Variants in LYZL4 observed in about 807,000 individuals in gnomAD.
LYZL4 encodes the protein lysozyme like 4, also known as lysozyme-like protein 4.
LYZL4 carries 13 observed loss-of-function variants against 17.6 expected under a neutral mutation model. The ratio of observed to expected loss-of-function variants is 0.74; its 90% CI spans 0.48 to 1.18. The LOEUF is 1.18. Among genes scored for constraint, LYZL4 ranks in the 50% most tolerant of loss-of-function variants. The probability of loss-of-function intolerance (pLI) is 0.00; values close to 1 mark genes in which losing one functional copy is unlikely to be tolerated. For synonymous variants in LYZL4, 64 were observed against 67.7 expected (o/e 0.95, Z 0.27); for missense variants, 174 against 188.2 (o/e 0.92, Z 0.44).
the LYZL4 span, among the ~76,000 whole-genome samples, chr3:42,372,644 T>G: frequency 6.6e-6 from 1 of 152,200 alleles, no homozygotes; most frequent in Non-Finnish European, 1.5e-5. Context: ...GAGGTATTTA[T>G]CCACCCCAAC....
chr3:42,394,904 T>C (rs908699007), downstream of LYZL4, among the ~76,000 whole-genome samples: 4 of 152,184 alleles, frequency 2.6e-5, no homozygotes, highest in African/African-American at 9.7e-5. Flanking sequence ...TAATTCTGGG[T>C]TAAGATTGGA....
chr3:42,397,784 C>G (rs1187920979), intron 4 of LYZL4, among the ~76,000 whole-genome samples: 1 of 152,170 alleles, frequency 6.6e-6, no homozygotes, highest in African/African-American at 2.4e-5. Context: ...CACCTTTCCA[C>G]GTACCTGCTC....
At chr3:42,361,224 G>T in the LYZL4 span, among the ~76,000 whole-genome samples, 1 of 151,922 alleles carries the variant, frequency 6.6e-6, no homozygotes, top group East Asian at 1.9e-4. Flanking sequence ...GGTAACATAC[G>T]ATATACACTA....
the LYZL4 span, among the ~76,000 whole-genome samples, chr3:42,386,079 C>G: frequency 6.6e-6 from 1 of 152,060 alleles, no homozygotes; most frequent in African/African-American, 2.4e-5. Context: ...ACATCTCCCC[C>G]CGACCTTCAC....
chr3:42,393,463 C>T (rs1270468576), downstream of LYZL4, among the ~76,000 whole-genome samples: 1 of 152,180 alleles, frequency 6.6e-6, no homozygotes, highest in African/African-American at 2.4e-5. Flanking sequence ...TCAGAAGACC[C>T]CCATGGCCTC....
At chr3:42,368,032 C>T in the LYZL4 span, among the ~76,000 whole-genome samples, 25 of 152,218 alleles carry the variant, frequency 1.6e-4, no homozygotes, top group East Asian at 2.1e-3. Context: ...GATGGGGAAA[C>T]GGAGTCATGG....
At chr3:42,362,989 C>T in the LYZL4 span, among the ~76,000 whole-genome samples, 6 of 152,104 alleles carry the variant, frequency 3.9e-5, no homozygotes, top group Admixed American at 3.3e-4. Flanking sequence ...AATTGTTTAA[C>T]TGAGATCCAG....
intron 3 of LYZL4, among the ~76,000 whole-genome samples, chr3:42,405,843 A>G (rs929711332): frequency 2.0e-5 from 3 of 152,106 alleles, no homozygotes; most frequent in African/African-American, 7.2e-5. Context: ...CATTCATAGA[A>G]TGGGGATAAC....
chr3:42,407,332 G>A lies in LYZL4; in HGVS notation c.-81C>T, dbSNP rs1698777409. ...CACAGGGACACTGGTTCTCTGAAGG[G>A]AAAGAAGGGCACTGTGGGGGTGGGG... On this transcript the variant is annotated 5_prime_UTR_variant, in exon 2 of 5. Transcript: ENST00000287748. 5 of 1,587,096 alleles carry A rather than the reference G, an allele frequency of 3.2e-6. No individual in the cohort carries two copies. The highest frequency in any genetic ancestry group is 1.3e-5 in the African/African-American group (1 of 74,340).
the LYZL4 span, among the ~76,000 whole-genome samples, chr3:42,386,543 A>G: frequency 6.6e-6 from 1 of 151,874 alleles, no homozygotes; most frequent in Non-Finnish European, 1.5e-5. Context: ...AAGGTCACAT[A>G]TTTCCAGGTT....
chr3:42,374,798 C>A, the LYZL4 span, among the ~76,000 whole-genome samples: 1,312 of 152,248 alleles, frequency 8.6e-3, 6 homozygotes, highest in Non-Finnish European at 0.012. Flanking sequence ...ATTTTCTCTC[C>A]TTTCTGGCAT....
chr3:42,367,146 G>T, the LYZL4 span, among the ~76,000 whole-genome samples: 1 of 152,080 alleles, frequency 6.6e-6, no homozygotes, highest in Non-Finnish European at 1.5e-5. Flanking sequence ...CTGAAGCACC[G>T]GTTGCCTCGA....
chr3:42,390,400 A>G, the LYZL4 span, among the ~76,000 whole-genome samples: 8 of 152,216 alleles, frequency 5.3e-5, no homozygotes, highest in Non-Finnish European at 7.3e-5. Flanking sequence ...GTTCTCAACA[A>G]CAACGATTTC....
the LYZL4 span, among the ~76,000 whole-genome samples, chr3:42,379,965 G>C: frequency 1.3e-5 from 2 of 152,182 alleles, no homozygotes; most frequent in African/African-American, 4.8e-5. Context: ...AGCAGTGACC[G>C]AAAATTGTAA....
In LYZL4 at chr3:42,406,453, C is replaced by CAAA. The variant is rs565639489; in HGVS notation, c.292+390_292+392dup. 2.2e-3 allele frequency among the ~76,000 whole-genome samples: 183 copies of CAAA among 84,112 alleles called. 5 individuals carry two copies. Among genetic ancestry groups the CAAA allele is most frequent in the South Asian group, 5.7e-3 (11 of 1,920 alleles). 55.2% of individuals were successfully genotyped at this position (84,112 alleles called of 152,430 possible). ...TGGGCGACTCAGTGAGACTCCGTCT[C>CAAA]AAAAAAAAAAAAAAAAAAAAAAAAA... On this transcript the variant is annotated intron_variant, in intron 3 of 4. Transcript: ENST00000287748.
downstream of LYZL4, among the ~76,000 whole-genome samples, chr3:42,393,077 G>A (rs1169163928): frequency 6.6e-6 from 1 of 152,256 alleles, no homozygotes; most frequent in East Asian, 1.9e-4. Context: ...ACAGGAGAAT[G>A]CAGGAGGAAC....
the LYZL4 span, among the ~76,000 whole-genome samples, chr3:42,375,366 C>G: frequency 6.6e-6 from 1 of 152,222 alleles, no homozygotes. Context: ...AAAACAAGCC[C>G]TGGTTACTTT....
intron 4 of LYZL4, among the ~76,000 whole-genome samples, chr3:42,401,074 C>T (rs1200807204): frequency 6.6e-6 from 1 of 152,172 alleles, no homozygotes; most frequent in African/African-American, 2.4e-5. Context: ...GAAAAAGCCA[C>T]ACAACCTGTC....
intron 3 of LYZL4, among the ~76,000 whole-genome samples, chr3:42,406,619 G>T (rs1449652744): frequency 6.6e-6 from 1 of 152,064 alleles, no homozygotes; most frequent in African/African-American, 2.4e-5. Context: ...TTGGACAGGG[G>T]TCTCCATCAC....
Sources: gnomAD v4.1 joint callset for allele counts (sites outside exome capture counted in the v4.1 genomes callset) on GRCh38, gnomAD v4.1.1 for gene constraint, MANE v1.5 for transcripts, NCBI Gene and HGNC (gene_info 2026-07-23, HGNC 2026-07-21) for gene names.